Variants in NPAP1 observed in about 807,000 individuals in gnomAD.
NPAP1 encodes nuclear pore-associated protein 1.
For missense variants in NPAP1, 1,483 were observed against 1,454.5 expected (o/e 1.02, Z -0.32); for synonymous variants, 616 against 581.4 (o/e 1.06, Z -0.86).
In NPAP1 at chr15:24,680,029, G is replaced by C. The variant is rs2049007234; in HGVS notation, c.*691G>C. On this transcript the variant is annotated 3_prime_UTR_variant, in exon 1 of 1. Coordinates refer to ENST00000329468, the MANE Select transcript of NPAP1 (RefSeq NM_018958.3). ...TTTGTTTGTTTGTTTTTGAGACGGA[G>C]CCTTAGCCCAGGCTGGAGTGTAGTA... 1 of 190,326 alleles carries C rather than the reference G, an allele frequency of 5.3e-6. No individual in the cohort carries two copies. Among genetic ancestry groups the C allele is most frequent in the Admixed American group, 5.6e-5 (1 of 17,882 alleles). The allele number at this position is 190,326 out of a possible 1,614,324, so 11.8% of individuals were successfully genotyped here.
At position 24,675,928 on chromosome 15, in the gene NPAP1, G is replaced by C. The variant is rs2048971541; in HGVS notation, c.61G>C (p.Gly21Arg). The change falls in exon 1 of 1, where the codon GGG becomes CGG. Residue 21 changes from glycine to arginine, a missense_variant. Gly to Arg is a moderately radical substitution (Grantham distance 125, BLOSUM62 -2). Transcript: ENST00000329468. ...CCGCCGCCGGCCCCTGCCAGGGCCA[G>C]GGCGTGGCGCCCCCGCTCCCCTGTC... ...GCRRRPLPGPGRGAPAPLSRD... is the reference protein window; with the variant it reads ...GCRRRPLPGPRRGAPAPLSRD... The C allele has an allele frequency of 6.3e-7, 1 of 1,585,984 alleles. No homozygotes were observed. The highest frequency in any genetic ancestry group is 1.4e-5 in the African/African-American group (1 of 72,452).
Position 24,677,727 on chromosome 15 carries a change from C to T in NPAP1, c.1860C>T (p.Tyr620=), listed in dbSNP as rs2048986878. Residue 620 remains tyrosine (Y), a synonymous_variant, in exon 1 of 1, where the codon TAC becomes TAT. Transcript: ENST00000329468. ...GGCACCCGGGAAAGACATCAGTCTA[C>T]ACATCCCCACTTCCATTTATATTCC... ...EQRHPGKTSV[Y]TSPLPFIFHN... is the part of the protein sequence containing the mutation. 6.2e-7 allele frequency: 1 copy of T among 1,614,202 alleles called. No individual in the cohort carries two copies. Among genetic ancestry groups the T allele is most frequent in the Non-Finnish European group, 8.5e-7 (1 of 1,180,048 alleles).
In NPAP1 at chr15:24,677,547, C is replaced by T. The variant is rs770893029; in HGVS notation, c.1680C>T (p.Asn560=). The change falls in exon 1 of 1, where the codon AAC becomes AAT. Residue 560 remains asparagine, a synonymous_variant. Transcript: ENST00000329468. ...CAGTCATTTCCACTGTCACAACAAA[C>T]GCATCTGCCCACCTAACCTCACAGA... The part of the protein sequence containing the change: ...STSVISTVTT[N]ASAHLTSQTA... The T allele has an allele frequency of 3.7e-6, 6 of 1,614,158 alleles. No homozygotes were observed. The highest frequency in any genetic ancestry group is 1.6e-4 in the Middle Eastern group (1 of 6,062).
At position 24,682,511 on chromosome 15, in the gene NPAP1, C is replaced by A. The variant is rs766893489; in HGVS notation, c.*3173C>A. 2 of 166,882 alleles carry A rather than the reference C, an allele frequency of 1.2e-5. No homozygotes were observed. Among genetic ancestry groups the A allele is most frequent in the Admixed American group, 6.5e-5 (1 of 15,278 alleles). The allele number at this position is 166,882 out of a possible 1,614,324, so 10.3% of individuals were successfully genotyped here. A position where few individuals can be genotyped will look rare whatever the true frequency, so the allele number is the denominator to read the frequency against. Reference sequence around the variant, plus strand: ...ACAACTGAAACTATTTCTAAATATTCTTTTATTTTTTATTAAGATAAAAAG... The same window carrying A: ...ACAACTGAAACTATTTCTAAATATTATTTTATTTTTTATTAAGATAAAAAG... On this transcript the variant is annotated 3_prime_UTR_variant, in exon 1 of 1. Transcript: ENST00000329468.
At position 24,677,456 on chromosome 15, in the gene NPAP1, T is replaced by C. The variant is rs766302321; in HGVS notation, c.1589T>C (p.Leu530Pro). 2 of 1,614,036 alleles carry C rather than the reference T, an allele frequency of 1.2e-6. No individual in the cohort carries two copies. Among genetic ancestry groups the C allele is most frequent in the African/African-American group, 2.7e-5 (2 of 74,928 alleles). Residue 530 changes from leucine (L) to proline (P), a missense_variant, in exon 1 of 1, where the codon CTG (leucine) becomes CCG (proline). Coordinates refer to ENST00000329468, the MANE Select transcript of NPAP1 (RefSeq NM_018958.3). ...GATTCCCCTCCTCCTCTTTCCTTCC[T>C]GACTCTTCTTCCAGTCCCTTCCACC... is the stretch of plus-strand genomic sequence containing the variant. ...CVDSPPPLSF[L>P]TLLPVPSTGT... is the part of the protein sequence containing the mutation.
At position 24,676,362 on chromosome 15, in the gene NPAP1, T is replaced by A. The variant is rs2141307847; in HGVS notation, c.495T>A (p.Asp165Glu). 1.3e-6 allele frequency: 2 copies of A among 1,553,178 alleles called. No homozygotes were observed. Among genetic ancestry groups the A allele is most frequent in the Admixed American group, 3.9e-5 (2 of 50,782 alleles). The change falls in exon 1 of 1, where the codon GAT becomes GAA. Residue 165 changes from aspartate (D) to glutamate (E), a missense_variant. Physicochemically the swap from Asp to Glu is conservative, Grantham distance 45. Transcript: ENST00000329468. ...CCAGAAGAGTGAAGAAGGATGAGGATCCGGTGCAGATCGAAGGGGAGGATG... is the reference window on the plus strand; with the variant it reads ...CCAGAAGAGTGAAGAAGGATGAGGAACCGGTGCAGATCGAAGGGGAGGATG... ...EGPRRVKKDEDPVQIEGEDDE... is the reference protein window; with the variant it reads ...EGPRRVKKDEEPVQIEGEDDE...
In NPAP1 at chr15:24,676,410, C is replaced by T. The variant is rs116262912; in HGVS notation, c.543C>T (p.Ser181=). 2,341 of 1,600,224 alleles carry T rather than the reference C, an allele frequency of 1.5e-3. 31 individuals carry two copies. The African/African-American group carries it at 0.027, about 19-fold the overall frequency. ...GEDDEKRTPL[S]SGEASSTSRS... ...ATGACGAGAAAAGGACCCCCCTTAG[C>T]AGCGGAGAAGCATCGTCCACATCCA... is the stretch of plus-strand genomic sequence containing the variant. Residue 181 remains serine, a synonymous_variant, in exon 1 of 1, where the codon AGC becomes AGT. Transcript: ENST00000329468.
chr15:24,677,735 C>T lies in NPAP1; in HGVS notation c.1868C>T (p.Pro623Leu), dbSNP rs2141311014. 6.2e-7 allele frequency: 1 copy of T among 1,614,172 alleles called. No homozygotes were observed. The highest frequency in any genetic ancestry group is 8.5e-7 in the Non-Finnish European group (1 of 1,180,044). ...HPGKTSVYTS[P>L]LPFIFHNTTP... The stretch of plus-strand genomic sequence containing the variant: ...GGAAAGACATCAGTCTACACATCCC[C>T]ACTTCCATTTATATTCCACAATACC... Residue 623 changes from proline (P) to leucine (L), a missense_variant, in exon 1 of 1, where the codon CCA becomes CTA. Transcript: ENST00000329468.
chr15:24,675,857 G>T lies in NPAP1; in HGVS notation c.-11G>T, dbSNP rs1178001853. On this transcript the variant is annotated 5_prime_UTR_variant, in exon 1 of 1. Coordinates refer to ENST00000329468, the MANE Select transcript of NPAP1 (RefSeq NM_018958.3). Reference sequence around the variant, plus strand: ...ACCCTGTTTTACGGTAGGAGGCACGGCTAGCTCTAAATGGGCAATTTACTT... The same window carrying T: ...ACCCTGTTTTACGGTAGGAGGCACGTCTAGCTCTAAATGGGCAATTTACTT... The T allele has an allele frequency of 6.6e-7, 1 of 1,524,146 alleles. No homozygotes were observed. Among genetic ancestry groups the T allele is most frequent in the Non-Finnish European group, 8.8e-7 (1 of 1,138,274 alleles). The allele number at this position is 1,524,146 out of a possible 1,614,324, so 94.4% of individuals were successfully genotyped here. A position where few individuals can be genotyped will look rare whatever the true frequency, so the allele number is the denominator to read the frequency against.
At position 24,679,089 on chromosome 15, in the gene NPAP1, C is replaced by G. The variant is rs141751156; in HGVS notation, c.3222C>G (p.Ser1074Arg). The change falls in exon 1 of 1, where the codon AGC (serine) becomes AGG (arginine). Residue 1074 changes from serine (S) to arginine (R), a missense_variant. Transcript: ENST00000329468. ...TGGCTGCTGCACCACAAGGGGCTAGCAACATTCCTGTATTTGGATATACTT... is the reference window on the plus strand; with the variant it reads ...TGGCTGCTGCACCACAAGGGGCTAGGAACATTCCTGTATTTGGATATACTT... ...HSMAAAPQGA[S>R]NIPVFGYTSA... 69 of 1,614,058 alleles carry G rather than the reference C, an allele frequency of 4.3e-5. No individual in the cohort carries two copies. The highest frequency in any genetic ancestry group is 4.7e-5 in the Non-Finnish European group (56 of 1,180,056).
Position 24,681,440 on chromosome 15 carries a change from A to T in NPAP1, c.*2102A>T, listed in dbSNP as rs2049015967. 1 of 165,336 alleles carries T rather than the reference A, an allele frequency of 6.0e-6. No individual in the cohort carries two copies. The highest frequency in any genetic ancestry group is 2.1e-4 in the South Asian group (1 of 4,826). The allele number at this position is 165,336 out of a possible 1,614,324, so 10.2% of individuals were successfully genotyped here. On this transcript the variant is annotated 3_prime_UTR_variant, in exon 1 of 1. Coordinates refer to ENST00000329468, the MANE Select transcript of NPAP1 (RefSeq NM_018958.3). Reference sequence around the variant, plus strand: ...GACTGAATGTTTGTGTACCCCCAAAAATTGATATTTTGAAGCCTAACTTCC... The same window carrying T: ...GACTGAATGTTTGTGTACCCCCAAATATTGATATTTTGAAGCCTAACTTCC...
chr15:24,676,972 T>C lies in NPAP1; in HGVS notation c.1105T>C (p.Leu369=), dbSNP rs2048980960. 1.9e-6 allele frequency: 3 copies of C among 1,613,796 alleles called. No individual in the cohort carries two copies. Among genetic ancestry groups the C allele is most frequent in the East Asian group, 2.2e-5 (1 of 44,862 alleles). Residue 369 remains leucine, a synonymous_variant, in exon 1 of 1, where the codon TTG becomes CTG. Transcript: ENST00000329468. ...CLSVEGDLHT[L]EKSPEYKRNS... ...GTCTGTTGAGGGAGACCTACACACC[T>C]TGGAGAAGAGCCCTGAGTATAAAAG...
rs747948508 is a variant in NPAP1, at chr15:24,677,850, C to T, written c.1983C>T (p.Leu661=). 1.7e-5 allele frequency: 27 copies of T among 1,613,956 alleles called. No homozygotes were observed. The South Asian group carries it at 2.6e-4, about 16-fold the overall frequency. ...ATGGGCAGCCGCAGAAAGCTTCTCT[C>T]CCCAGTGCCTGTGTTTTCCTGAGCC... is the stretch of plus-strand genomic sequence containing the variant. ...APDGQPQKAS[L]PSACVFLSLP... is the part of the protein sequence containing the mutation. The change falls in exon 1 of 1, where the codon CTC becomes CTT. Residue 661 remains leucine (L), a synonymous_variant. Coordinates refer to ENST00000329468, the MANE Select transcript of NPAP1 (RefSeq NM_018958.3).
Position 24,677,496 on chromosome 15 carries a change from C to T in NPAP1, c.1629C>T (p.Ile543=), listed in dbSNP as rs866046492. The T allele has an allele frequency of 6.2e-7, 1 of 1,614,162 alleles. No homozygotes were observed. Among genetic ancestry groups the T allele is most frequent in the East Asian group, 2.2e-5 (1 of 44,854 alleles). Residue 543 remains isoleucine (I), a synonymous_variant, in exon 1 of 1, where the codon ATC becomes ATT. Coordinates refer to ENST00000329468, the MANE Select transcript of NPAP1 (RefSeq NM_018958.3). ...LPVPSTGTSV[I]TSKPMNSTSV... is the part of the protein sequence containing the mutation. ...TCCCTTCCACCGGGACCTCAGTTAT[C>T]ACCAGCAAGCCTATGAATTCCACGT... is the stretch of plus-strand genomic sequence containing the variant.
Position 24,675,932 on chromosome 15 carries a change from G to A in NPAP1, c.65G>A (p.Arg22His), listed in dbSNP as rs773600317. ...CGCCGGCCCCTGCCAGGGCCAGGGC[G>A]TGGCGCCCCCGCTCCCCTGTCCCGG... is the stretch of plus-strand genomic sequence containing the variant. The part of the protein sequence containing the change: ...CRRRPLPGPG[R>H]GAPAPLSRDA... The change falls in exon 1 of 1, where the codon CGT (arginine) becomes CAT (histidine). Residue 22 changes from arginine to histidine, a missense_variant. Physicochemically the swap from Arg to His is conservative, Grantham distance 29. Transcript: ENST00000329468. The A allele has an allele frequency of 5.7e-6, 9 of 1,584,782 alleles. No homozygotes were observed. The highest frequency in any genetic ancestry group is 4.7e-5 in the East Asian group (2 of 42,658).
rs1431575975 is a variant in NPAP1 at position 24,679,085 on chromosome 15, C to A, written c.3218C>A (p.Ala1073Asp). Residue 1073 changes from alanine to aspartate, a missense_variant, in exon 1 of 1, where the codon GCT (alanine) becomes GAT (aspartate). Coordinates refer to ENST00000329468, the MANE Select transcript of NPAP1 (RefSeq NM_018958.3). ...GHSMAAAPQG[A>D]SNIPVFGYTS... ...AGCATGGCTGCTGCACCACAAGGGG[C>A]TAGCAACATTCCTGTATTTGGATAT... is the stretch of plus-strand genomic sequence containing the variant. The A allele has an allele frequency of 1.4e-5, 22 of 1,614,212 alleles. No individual in the cohort carries two copies. The highest frequency in any genetic ancestry group is 1.9e-5 in the Non-Finnish European group (22 of 1,180,040).
Position 24,678,060 on chromosome 15 carries a change from G to GAACACACAACCCAGCGGC in NPAP1, c.2199_2216dup (p.Gln734_Thr739dup). 1 of 1,613,786 alleles carries GAACACACAACCCAGCGGC rather than the reference G, an allele frequency of 6.2e-7. No individual in the cohort carries two copies. The highest frequency in any genetic ancestry group is 8.5e-7 in the Non-Finnish European group (1 of 1,179,984). The stretch of plus-strand genomic sequence containing the variant: ...TTTACCTGGGGCTTCCTGGTTCTGG[G>GAACACACAACCCAGCGGC]AACACACAACCCAGCGGCAACACTG... On this transcript the variant is annotated inframe_insertion, in exon 1 of 1. Coordinates refer to ENST00000329468, the MANE Select transcript of NPAP1 (RefSeq NM_018958.3).
rs1195348247 is a variant in NPAP1 at position 24,679,785 on chromosome 15, G to A, written c.*447G>A. On this transcript the variant is annotated 3_prime_UTR_variant, in exon 1 of 1. Transcript: ENST00000329468. ...TGAGGGACAGCAACACAACGGCTGT[G>A]ACTGGTTGTACTTTTGGTCCCCCAT... 5.4e-6 allele frequency: 1 copy of A among 185,172 alleles called. No individual in the cohort carries two copies. Among genetic ancestry groups the A allele is most frequent in the Non-Finnish European group, 1.3e-5 (1 of 78,464 alleles). The allele number at this position is 185,172 out of a possible 1,614,324, so 11.5% of individuals were successfully genotyped here. A position where few individuals can be genotyped will look rare whatever the true frequency, so the allele number is the denominator to read the frequency against.
rs768017748 is a variant in NPAP1, at chr15:24,675,797, G to C, written c.-71G>C. 5 of 1,112,504 alleles carry C rather than the reference G, an allele frequency of 4.5e-6. No individual in the cohort carries two copies. The highest frequency in any genetic ancestry group is 6.1e-6 in the Non-Finnish European group (5 of 813,384). 68.9% of individuals were successfully genotyped at this position (1,112,504 alleles called of 1,614,324 possible). A position where few individuals can be genotyped will look rare whatever the true frequency, so the allele number is the denominator to read the frequency against. On this transcript the variant is annotated 5_prime_UTR_variant, in exon 1 of 1. Coordinates refer to ENST00000329468, the MANE Select transcript of NPAP1 (RefSeq NM_018958.3). ...GTCAGTTTGTGCTTGGTCGCCAGAG[G>C]AGGCGGTGGCTGAGGAGAGTTGAGT...
Sources: allele counts gnomAD v4.1 joint callset, GRCh38; gene constraint gnomAD v4.1.1; transcripts MANE v1.5; gene names NCBI Gene and HGNC (gene_info 2026-07-23, HGNC 2026-07-21).